Variants in CDKAL1 observed in about 807,000 individuals in gnomAD.
The protein encoded by CDKAL1 is threonylcarbamoyladenosine tRNA methylthiotransferase.
CDKAL1 carries 32 observed loss-of-function variants against 68.2 expected under a neutral mutation model. That is an observed-to-expected ratio of 0.47 (90% CI 0.35 to 0.63). The LOEUF is 0.63. Ranked by LOEUF, CDKAL1 falls within the 30% of genes least tolerant of loss-of-function variation. The probability of loss-of-function intolerance (pLI) is 0.00; values close to 1 mark genes in which losing one functional copy is unlikely to be tolerated. For synonymous variants in CDKAL1, 234 were observed against 244.3 expected (o/e 0.96, Z 0.39); for missense variants, 606 against 696.7 (o/e 0.87, Z 1.47).
chr6:20,595,912 C>T (rs934326576), intron 4 of CDKAL1, among the ~76,000 whole-genome samples: 2 of 152,088 alleles, frequency 1.3e-5, no homozygotes, highest in Non-Finnish European at 2.9e-5. Flanking sequence ...GTTAATTTTC[C>T]TTCTAACAGT....
chr6:20,838,759 G>T (rs1361438141), intron 8 of CDKAL1, among the ~76,000 whole-genome samples: 2 of 152,082 alleles, frequency 1.3e-5, no homozygotes, highest in Non-Finnish European at 2.9e-5. Flanking sequence ...GATCAGCTGA[G>T]GTCAGGAGAT....
At chr6:20,820,769 C>T (rs1427670208) in intron 8 of CDKAL1, among the ~76,000 whole-genome samples, 1 of 152,056 alleles carries the variant, frequency 6.6e-6, no homozygotes, top group Non-Finnish European at 1.5e-5. Flanking sequence ...TGAGGGCCTA[C>T]TGTGTACCAG....
intron 9 of CDKAL1, among the ~76,000 whole-genome samples, chr6:20,909,017 C>G (rs1762347163): frequency 6.6e-6 from 1 of 152,078 alleles, no homozygotes; most frequent in Non-Finnish European, 1.5e-5. Context: ...TCTGGCTGTT[C>G]CCCCTTGGTT....
intron 2 of CDKAL1, among the ~76,000 whole-genome samples, chr6:20,541,990 G>A (rs7758851): frequency 0.23 from 35,407 of 152,210 alleles, 4,830 homozygotes; most frequent in Middle Eastern, 0.36. Context: ...CACGTGGTAC[G>A]TATGTTAACT....
chr6:21,205,655 C>T (rs970953144), intron 15 of CDKAL1, among the ~76,000 whole-genome samples: 8 of 150,648 alleles, frequency 5.3e-5, no homozygotes, highest in Non-Finnish European at 7.4e-5. Context: ...CGCAGCCTCC[C>T]GAGTAGCTGG....
intron 5 of CDKAL1, among the ~76,000 whole-genome samples, chr6:20,700,533 C>G (rs1403481305): frequency 6.6e-6 from 1 of 151,918 alleles, no homozygotes; most frequent in Non-Finnish European, 1.5e-5. Flanking sequence ...TAATTACAGG[C>G]CTGGGCAGAA....
intron 12 of CDKAL1, among the ~76,000 whole-genome samples, chr6:21,089,458 C>T (rs1429666942): frequency 1.3e-5 from 2 of 152,020 alleles, no homozygotes; most frequent in African/African-American, 4.8e-5. Flanking sequence ...GCCTGGGTAA[C>T]AGAGCAAGAC....
chr6:21,116,660 C>T (rs1774428384), intron 13 of CDKAL1, among the ~76,000 whole-genome samples: 1 of 152,100 alleles, frequency 6.6e-6, no homozygotes, highest in African/African-American at 2.4e-5. Flanking sequence ...TACTTAGCAG[C>T]ATATTCTCGC....
chr6:20,790,765 A>T (rs111695224), intron 8 of CDKAL1, among the ~76,000 whole-genome samples: 1,539 of 152,226 alleles, frequency 0.01, 31 homozygotes, highest in South Asian at 0.048. Flanking sequence ...TGGACAGGGG[A>T]TGCAGGGGGT....
chr6:21,012,761 G>T (rs960060878), intron 11 of CDKAL1, among the ~76,000 whole-genome samples: 1 of 152,096 alleles, frequency 6.6e-6, no homozygotes, highest in African/African-American at 2.4e-5. Context: ...CCTGTCTTCT[G>T]TGCCCATATT....
intron 4 of CDKAL1, among the ~76,000 whole-genome samples, chr6:20,622,616 T>C (rs1328569926): frequency 6.6e-6 from 1 of 152,110 alleles, no homozygotes; most frequent in Non-Finnish European, 1.5e-5. Context: ...GTTCTTTGCT[T>C]ATTTTATTTC....
At chr6:21,089,177 T>TA (rs1464107670) in intron 12 of CDKAL1, among the ~76,000 whole-genome samples, 1 of 152,068 alleles carries the variant, frequency 6.6e-6, no homozygotes, top group Admixed American at 6.5e-5. Flanking sequence ...TACCATGCCT[T>TA]AAAAAATTTA....
chr6:20,640,734 T>C (rs906462219), intron 4 of CDKAL1, among the ~76,000 whole-genome samples: 12 of 152,202 alleles, frequency 7.9e-5, no homozygotes, highest in African/African-American at 2.9e-4. Flanking sequence ...CCATTATAAT[T>C]TCCTTAAATT....
intron 7 of CDKAL1, among the ~76,000 whole-genome samples, chr6:20,775,854 CAAAT>C (rs1775148243): frequency 2.0e-5 from 3 of 152,068 alleles, no homozygotes; most frequent in South Asian, 4.1e-4. Flanking sequence ...GGGTATATAA[CAAAT>C]AAAAGTTTTG....
intron 4 of CDKAL1, among the ~76,000 whole-genome samples, chr6:20,596,296 A>G (rs1765820155): frequency 6.6e-6 from 1 of 152,082 alleles, no homozygotes; most frequent in Non-Finnish European, 1.5e-5. Flanking sequence ...TGTCCCAGGG[A>G]GATGGGAGTT....
intron 13 of CDKAL1, among the ~76,000 whole-genome samples, chr6:21,145,424 T>C (rs1776117888): frequency 6.6e-6 from 1 of 152,160 alleles, no homozygotes; most frequent in African/African-American, 2.4e-5. Context: ...GTTAGCAACA[T>C]CCCAGAAAAC....
At chr6:21,050,579 A>C (rs1055105203) in intron 11 of CDKAL1, among the ~76,000 whole-genome samples, 1 of 152,240 alleles carries the variant, frequency 6.6e-6, no homozygotes, top group African/African-American at 2.4e-5. Context: ...TTATGGACTC[A>C]GAATGGGGAG....
intron 8 of CDKAL1, chr6:20,800,742 C>T (rs1339081145): frequency 6.6e-6 from 1 of 152,264 alleles, no homozygotes; most frequent in Non-Finnish European, 1.5e-5. Flanking sequence ...CCCACCTCAG[C>T]CTCTTGAGTA....
chr6:20,940,431 T>C (rs1177756405), intron 9 of CDKAL1, among the ~76,000 whole-genome samples: 2 of 152,218 alleles, frequency 1.3e-5, no homozygotes, highest in African/African-American at 4.8e-5. Context: ...ATATGAGCCA[T>C]ATGTATAATT....
Sources: gnomAD v4.1 joint callset for allele counts (sites outside exome capture counted in the v4.1 genomes callset) on GRCh38, gnomAD v4.1.1 for gene constraint, MANE v1.5 for transcripts, NCBI Gene and HGNC (gene_info 2026-07-23, HGNC 2026-07-21) for gene names.